EPN2: variants seen among roughly 807,000 people sequenced by gnomAD.
The protein encoded by EPN2 is epsin 2.
Under a neutral mutation model 61.7 loss-of-function variants are expected in EPN2, and 34 were observed. The ratio of observed to expected loss-of-function variants is 0.55; its 90% CI spans 0.42 to 0.73. The LOEUF (loss-of-function observed/expected upper bound fraction) is 0.73, where lower values mean the gene tolerates loss of function less well. EPN2 is among the 30% of genes least tolerant of loss of function. The pLI is 0.00. For synonymous variants in EPN2, 349 were observed against 353.6 expected (o/e 0.99, Z 0.15); for missense variants, 714 against 839.2 (o/e 0.85, Z 1.84).
At chr17:19,256,419 C>CGAA (rs1349553191) in intron 1 of EPN2, among the ~76,000 whole-genome samples, 1 of 67,976 alleles carries the variant, frequency 1.5e-5, no homozygotes, top group African/African-American at 4.9e-5. Context: ...GACCCTGTCT[C>CGAA]AAAAAAAAAA....
chr17:19,290,716 G>GA (rs796463403), intron 4 of EPN2, among the ~76,000 whole-genome samples: 1 of 120,610 alleles, frequency 8.3e-6, no homozygotes, highest in South Asian at 3.1e-4. Flanking sequence ...AAAAAAAAAA[G>GA]AAAAAAAAAG....
intron 1 of EPN2, chr17:19,276,628 G>T (rs1300563171): frequency 6.6e-6 from 1 of 151,958 alleles, no homozygotes; most frequent in Non-Finnish European, 1.5e-5. Flanking sequence ...TGACAGAATT[G>T]TACAAGTTCA....
intron 4 of EPN2, among the ~76,000 whole-genome samples, chr17:19,293,849 A>G (rs2045489169): frequency 6.6e-6 from 1 of 152,202 alleles, no homozygotes; most frequent in East Asian, 1.9e-4. Context: ...GCACTTTGGG[A>G]GGCCGAGGCT....
Position 19,283,825 on chromosome 17 carries a change from G to A in EPN2, c.595+111G>A. On this transcript the variant is annotated intron_variant, in intron 3 of 10. Transcript: ENST00000314728. This position sits in a 1 kb window ranked among gnomAD's most constrained non-coding sequence, Gnocchi z 7.0. Reference sequence around the variant, plus strand: ...GGTGGCCACTGCAGAGCTCGAACCTGTCCTCAGTACCCAGCTTTTGGTGGC... The same window carrying A: ...GGTGGCCACTGCAGAGCTCGAACCTATCCTCAGTACCCAGCTTTTGGTGGC... The A allele has an allele frequency of 1.3e-6, 1 of 780,820 alleles. No homozygotes were observed. The highest frequency in any genetic ancestry group is 2.0e-6 in the Non-Finnish European group (1 of 501,792). 48.4% of individuals were successfully genotyped at this position (780,820 alleles called of 1,614,324 possible).
intron 1 of EPN2, among the ~76,000 whole-genome samples, chr17:19,242,446 G>A (rs902443493): frequency 8.5e-5 from 13 of 152,108 alleles, no homozygotes; most frequent in African/African-American, 2.7e-4. Flanking sequence ...CAAAAAACCT[G>A]TCTTCTTTTG....
At chr17:19,296,911 G>A (rs996856492) in intron 4 of EPN2, 3 of 152,236 alleles carry the variant, frequency 2.0e-5, no homozygotes, top group Non-Finnish European at 4.4e-5. Context: ...GCCTGGCCAC[G>A]TGTTGGTGTA....
chr17:19,292,034 G>A (rs2045470681), intron 4 of EPN2, among the ~76,000 whole-genome samples: 1 of 152,216 alleles, frequency 6.6e-6, no homozygotes, highest in Non-Finnish European at 1.5e-5. Flanking sequence ...TCTGAAAAGG[G>A]AGTCCTACAT....
chr17:19,333,862 A>G, intron 10 of EPN2, 94 bp from the exon 11 acceptor site: 1 of 1,081,748 alleles, frequency 9.2e-7, no homozygotes, highest in South Asian at 2.0e-5. Flanking sequence ...AGGGCACAGC[A>G]GGGACCAGAA....
intron 1 of EPN2, among the ~76,000 whole-genome samples, chr17:19,264,970 G>T (rs1207170537): frequency 3.9e-5 from 6 of 152,170 alleles, no homozygotes; most frequent in Non-Finnish European, 7.3e-5. Context: ...AGCAGGTGGT[G>T]GATCCTGGGC....
chr17:19,261,079 G>A (rs757628170), intron 1 of EPN2, among the ~76,000 whole-genome samples: 2 of 152,186 alleles, frequency 1.3e-5, no homozygotes, highest in Admixed American at 1.3e-4. Flanking sequence ...CGTGCACATC[G>A]TTTCCCACAT....
At chr17:19,330,673 G>C (rs28427213) in intron 9 of EPN2, 4 of 152,176 alleles carry the variant, frequency 2.6e-5, no homozygotes, top group Non-Finnish European at 4.4e-5. Flanking sequence ...AGAAGGCAGC[G>C]TGGCCATTGT....
chr17:19,286,432 T>C lies in EPN2; in HGVS notation c.766+642T>C, dbSNP rs8066128. On this transcript the variant is annotated intron_variant, in intron 4 of 10. Transcript: ENST00000314728. ...AAATGGGGCTTCTCTTTCTACTAAT[T>C]AATAATGTATCCTGATCAGAGCCTT... Among the ~76,000 whole-genome samples the C allele has an allele frequency of 4.6e-5, 7 of 152,322 alleles. No homozygotes were observed. In the East Asian group the frequency reaches 1.4e-3, roughly 29 times the overall value.
chr17:19,258,609 T>A (rs1210418739), intron 1 of EPN2, among the ~76,000 whole-genome samples: 2 of 152,130 alleles, frequency 1.3e-5, no homozygotes, highest in Non-Finnish European at 2.9e-5. Flanking sequence ...CCTCAGGAAA[T>A]GTGTTTGCCT....
intron 7 of EPN2, among the ~76,000 whole-genome samples, chr17:19,320,965 T>G (rs1395837105): frequency 6.6e-6 from 1 of 152,168 alleles, no homozygotes; most frequent in African/African-American, 2.4e-5. Flanking sequence ...GGCTTGGATC[T>G]CGGGGATGGG....
chr17:19,253,606 C>T (rs1440747878), intron 1 of EPN2, among the ~76,000 whole-genome samples: 1 of 151,726 alleles, frequency 6.6e-6, no homozygotes, highest in Non-Finnish European at 1.5e-5. Flanking sequence ...TCAGTGTTGC[C>T]CAGGCTGGTC....
At chr17:19,324,580 A>C (rs1906783015) in intron 7 of EPN2, among the ~76,000 whole-genome samples, 2 of 152,086 alleles carry the variant, frequency 1.3e-5, no homozygotes, top group Admixed American at 1.3e-4. Flanking sequence ...TGATCCACCC[A>C]CCTCGGCCTC....
intron 1 of EPN2, among the ~76,000 whole-genome samples, chr17:19,244,279 C>T (rs983145426): frequency 6.6e-6 from 1 of 151,902 alleles, no homozygotes; most frequent in African/African-American, 2.4e-5. Context: ...GCCAACATGG[C>T]GAAACCCCAT....
chr17:19,298,638 G>A (rs1197409774), intron 4 of EPN2, among the ~76,000 whole-genome samples: 1 of 152,182 alleles, frequency 6.6e-6, no homozygotes, highest in Non-Finnish European at 1.5e-5. Flanking sequence ...TGAGTAGCTT[G>A]GGACTACAGA....
intron 8 of EPN2, 83 bp downstream of exon 8, chr17:19,328,970 G>T (rs1907034959): frequency 1.5e-6 from 2 of 1,311,730 alleles, no homozygotes; most frequent in African/African-American, 2.9e-5. Flanking sequence ...CTAGGCATCA[G>T]CCCTGTTGCT....
Sources: gnomAD v4.1 joint callset for allele counts (sites outside exome capture counted in the v4.1 genomes callset) on GRCh38, gnomAD v4.1.1 for gene constraint, Gnocchi (gnomAD v3.1) non-coding constraint, MANE v1.5 for transcripts, NCBI Gene and HGNC (gene_info 2026-07-23, HGNC 2026-07-21) for gene names.